LRPAP1: variants seen among roughly 807,000 people sequenced by gnomAD.
LRPAP1 encodes the protein alpha-2-macroglobulin receptor-associated protein.
LRPAP1 carries 41 observed loss-of-function variants against 39.9 expected under a neutral mutation model. That is an observed-to-expected ratio of 1.03 (90% CI 0.80 to 1.33). The LOEUF is 1.33. Among genes scored for constraint, LRPAP1 ranks in the 40% most tolerant of loss-of-function variants. The pLI, the probability that LRPAP1 is intolerant of heterozygous loss-of-function variation, is 0.00. For missense variants in LRPAP1, 565 were observed against 482.3 expected, an observed-to-expected ratio of 1.17 and a Z score of -1.61; for synonymous variants, 263 against 212.7, an observed-to-expected ratio of 1.24 and a Z score of -2.06.
chr4:3,532,332 G>A lies in LRPAP1; in HGVS notation c.81C>T (p.Pro27=), dbSNP rs139828333. The change falls in exon 1 of 8, where the codon CCC becomes CCT. Residue 27 remains proline (P), a synonymous_variant. Coordinates refer to ENST00000650182, the MANE Select transcript of LRPAP1 (RefSeq NM_002337.4). ...AGTACTTGCCGCCGTGGCTCGCAGC[G>A]GGCCAGGGCCCGAGGAAGAGCAGCA... ...LLLLLFLGPW[P]AASHGGKYSR... is the part of the protein sequence containing the mutation. 4.7e-4 allele frequency: 741 copies of A among 1,590,020 alleles called. 1 individual carries two copies. The African/African-American group carries it at 8.7e-3, about 19-fold the overall frequency.
chr4:3,516,494 G>GCCCA (rs1729709838), intron 5 of LRPAP1, among the ~76,000 whole-genome samples: 2 of 138,444 alleles, frequency 1.4e-5, no homozygotes, highest in Admixed American at 1.4e-4. Context: ...GCCACAGCCC[G>GCCCA]CCCTGGCTGC....
At chr4:3,531,112 C>T (rs752662662) in intron 1 of LRPAP1, among the ~76,000 whole-genome samples, 2 of 152,128 alleles carry the variant, frequency 1.3e-5, no homozygotes, top group Non-Finnish European at 2.9e-5. Flanking sequence ...GCCGCCCTGC[C>T]GCTCCAGCCC....
intron 5 of LRPAP1, among the ~76,000 whole-genome samples, chr4:3,516,501 C>G (rs1221255614): frequency 6.8e-6 from 1 of 146,198 alleles, no homozygotes; most frequent in East Asian, 2.1e-4. Context: ...CCCGCCCTGG[C>G]TGCCTCTGAA....
Position 3,505,090 on chromosome 4 carries a change from C to T in LRPAP1, c.*7884G>A, listed in dbSNP as rs1370118800. 1.3e-5 allele frequency among the ~76,000 whole-genome samples: 2 copies of T among 152,184 alleles called. No homozygotes were observed. Among genetic ancestry groups the T allele is most frequent in the African/African-American group, 4.8e-5 (2 of 41,432 alleles). ...ATAATCATGTGCCCTACCATGCACG[C>T]AGCCATGGTGGCCCGGGTCCTGCCA... On this transcript the variant is annotated 3_prime_UTR_variant, in exon 8 of 8. Coordinates refer to ENST00000650182, the MANE Select transcript of LRPAP1 (RefSeq NM_002337.4).
chr4:3,518,938 C>G lies in LRPAP1; in HGVS notation c.525G>C (p.Glu175Asp). The G allele has an allele frequency of 6.2e-7, 1 of 1,614,090 alleles. No individual in the cohort carries two copies. The highest frequency in any genetic ancestry group is 8.5e-7 in the Non-Finnish European group (1 of 1,180,006). The change falls in exon 4 of 8, where the codon GAG (glutamate) becomes GAC (aspartate). Residue 175 changes from glutamate (E) to aspartate (D), a missense_variant. By Grantham distance (45) the Glu-to-Asp change is conservative (BLOSUM62 2). Coordinates refer to ENST00000650182, the MANE Select transcript of LRPAP1 (RefSeq NM_002337.4). ...GAACTTTCTCTTTGTGATGCAGGAACTCCCGCCAGAGCTTGTCCAGTTCTT... is the reference window on the plus strand; with the variant it reads ...GAACTTTCTCTTTGTGATGCAGGAAGTCCCGCCAGAGCTTGTCCAGTTCTT... ...SGEELDKLWREFLHHKEKVHE... is the reference protein window; with the variant it reads ...SGEELDKLWRDFLHHKEKVHE...
chr4:3,516,199 C>T lies in LRPAP1; in HGVS notation c.752-1G>A, dbSNP rs1402996009. On this transcript the variant is annotated splice_acceptor_variant, in intron 5 of 7. Coordinates refer to ENST00000650182, the MANE Select transcript of LRPAP1 (RefSeq NM_002337.4). LOFTEE classifies it high-confidence loss of function. The stretch of plus-strand genomic sequence containing the variant: ...TCAATCACCCTGGGCTCCTCGAACT[C>T]TGCAGGGGAGGAGCAAGAGTGGCCT... 6.4e-7 allele frequency: 1 copy of T among 1,567,528 alleles called. No homozygotes were observed. The highest frequency in any genetic ancestry group is 8.6e-7 in the Non-Finnish European group (1 of 1,156,210).
chr4:3,517,117 C>G (rs1342807868), intron 5 of LRPAP1, among the ~76,000 whole-genome samples: 1 of 73,022 alleles, frequency 1.4e-5, no homozygotes, highest in Non-Finnish European at 2.9e-5. Flanking sequence ...AAGCCTACGG[C>G]TGACAGTCAC....
Position 3,532,189 on chromosome 4 carries a change from C to T in LRPAP1, c.204+20G>A. 1.7e-6 allele frequency: 2 copies of T among 1,190,032 alleles called. No homozygotes were observed. Among genetic ancestry groups the T allele is most frequent in the South Asian group, 1.8e-5 (1 of 54,644 alleles). The allele number at this position is 1,190,032 out of a possible 1,614,324, so 73.7% of individuals were successfully genotyped here. The stretch of plus-strand genomic sequence containing the variant: ...CCCCCGCCCCCAGGCCCCGCTCCAC[C>T]GACCGCGGGCCGCGCTCACTCGCTG... On this transcript the variant is annotated intron_variant, in intron 1 of 7. Coordinates refer to ENST00000650182, the MANE Select transcript of LRPAP1 (RefSeq NM_002337.4).
Position 3,518,909 on chromosome 4 carries a change from T to A in LRPAP1, c.554A>T (p.Glu185Val), listed in dbSNP as rs754043236. Residue 185 changes from glutamate (E) to valine (V), a missense_variant, in exon 4 of 8, where the codon GAG (glutamate) becomes GTG (valine). Coordinates refer to ENST00000650182, the MANE Select transcript of LRPAP1 (RefSeq NM_002337.4). The stretch of plus-strand genomic sequence containing the variant: ...CAGGGTCTCCAGCAGGACGTTGTAC[T>A]CGTGAACTTTCTCTTTGTGATGCAG... ...EFLHHKEKVH[E>V]YNVLLETLSR... The A allele has an allele frequency of 6.2e-7, 1 of 1,613,564 alleles. No homozygotes were observed.
rs1439933121 is a variant in LRPAP1, at chr4:3,520,141, G to GCA, written c.401_402insTG (p.Ser135AlafsTer60). 2 of 1,614,058 alleles carry GCA rather than the reference G, an allele frequency of 1.2e-6. No individual in the cohort carries two copies. Among genetic ancestry groups the GCA allele is most frequent in the Non-Finnish European group, 1.7e-6 (2 of 1,180,030 alleles). On this transcript the variant is annotated frameshift_variant, in exon 3 of 8. Coordinates refer to ENST00000650182, the MANE Select transcript of LRPAP1 (RefSeq NM_002337.4). LOFTEE classifies it high-confidence loss of function. Reference sequence around the variant, plus strand: ...CCTGGGTGCCACTGAGGGAGTTGCTGGTCACCTGCCGAGCGTCCTTCTTTC... The same window carrying GCA: ...CCTGGGTGCCACTGAGGGAGTTGCTGCAGTCACCTGCCGAGCGTCCTTCTTTC...
intron 3 of LRPAP1, 40 bp downstream of exon 3, chr4:3,520,032 G>C (rs376809695): frequency 6.2e-7 from 1 of 1,606,736 alleles, no homozygotes; most frequent in Non-Finnish European, 8.5e-7. Context: ...TCAACGTAAC[G>C]GCACCAATTC....
At chr4:3,517,994 C>T in intron 5 of LRPAP1, 40 bp downstream of exon 5, 2 of 1,556,494 alleles carry the variant, frequency 1.3e-6, no homozygotes, top group South Asian at 1.2e-5. Flanking sequence ...CCAGAGACGG[C>T]CCCACCCTCG....
chr4:3,516,316 A>G (rs974646294), intron 5 of LRPAP1, 118 bp from the exon 6 acceptor site: 16 of 750,628 alleles, frequency 2.1e-5, no homozygotes, highest in South Asian at 1.6e-4. Context: ...CGCGACCTGC[A>G]TGTGTGTGAA....
At chr4:3,519,127 G>A in intron 3 of LRPAP1, 136 bp from the exon 4 acceptor site, 2 of 1,428,986 alleles carry the variant, frequency 1.4e-6, no homozygotes, top group Non-Finnish European at 1.9e-6. Flanking sequence ...GCCTCACGAA[G>A]GGCAGGAAAA....
chr4:3,516,297 G>A, intron 5 of LRPAP1, 99 bp from the exon 6 acceptor site: 1 of 900,030 alleles, frequency 1.1e-6, no homozygotes, highest in Non-Finnish European at 1.7e-6. Flanking sequence ...GCCTATGAGG[G>A]TTTGCAGGCG....
At chr4:3,531,860 G>T in intron 1 of LRPAP1, 1 of 349,068 alleles carries the variant, frequency 2.9e-6, no homozygotes, top group East Asian at 5.5e-5. Flanking sequence ...AAGGTTGAGG[G>T]AACAGGCAAA....
intron 1 of LRPAP1, chr4:3,531,967 G>A (rs963806781): frequency 7.0e-6 from 4 of 567,386 alleles, no homozygotes; most frequent in Non-Finnish European, 1.2e-5. Context: ...CTGACCCTCG[G>A]GGTGCCGGCC....
chr4:3,519,979 C>T lies in LRPAP1; in HGVS notation c.471+93G>A, dbSNP rs1479717003. 4.7e-6 allele frequency: 7 copies of T among 1,478,598 alleles called. No homozygotes were observed. The South Asian group carries it at 9.1e-5, about 19-fold the overall frequency. The allele number at this position is 1,478,598 out of a possible 1,614,324, so 91.6% of individuals were successfully genotyped here. On this transcript the variant is annotated intron_variant, in intron 3 of 7. Coordinates refer to ENST00000650182, the MANE Select transcript of LRPAP1 (RefSeq NM_002337.4). Reference sequence around the variant, plus strand: ...TGAGACTTTCCCAAACCCCGGCTCCCATGCAGAGCAGAGACTGCCCCTCAC... The same window carrying T: ...TGAGACTTTCCCAAACCCCGGCTCCTATGCAGAGCAGAGACTGCCCCTCAC...
intron 7 of LRPAP1, 83 bp downstream of exon 7, chr4:3,514,669 A>G: frequency 6.7e-7 from 1 of 1,488,112 alleles, no homozygotes; most frequent in Non-Finnish European, 9.0e-7. Context: ...CCCCATCTAC[A>G]GGAAGCCCTG....
Sources: gnomAD v4.1 joint callset for allele counts (sites outside exome capture counted in the v4.1 genomes callset) on GRCh38, gnomAD v4.1.1 for gene constraint, MANE v1.5 for transcripts, NCBI Gene and HGNC (gene_info 2026-07-23, HGNC 2026-07-21) for gene names.